The following CNTN5 variants were observed in gnomAD, a reference collection of about 807,000 sequenced individuals.
CNTN5 encodes the protein contactin-5.
Under a neutral mutation model 129.1 loss-of-function variants are expected in CNTN5, and 77 were observed. The ratio of observed to expected loss-of-function variants is 0.60; its 90% confidence interval spans 0.50 to 0.72. The LOEUF is 0.72. Among genes scored for constraint, CNTN5 ranks in the 30% least tolerant of loss-of-function variants. The pLI is 0.00. For synonymous variants in CNTN5, 509 were observed against 465.6 expected, an observed-to-expected ratio of 1.09 and a Z score of -1.20; for missense variants, 1,478 against 1,328.8, an observed-to-expected ratio of 1.11 and a Z score of -1.75.
chr11:99,704,650 C>A (rs1200820907), intron 3 of CNTN5, among the ~76,000 whole-genome samples: 2 of 151,166 alleles, frequency 1.3e-5, no homozygotes, highest in Non-Finnish European at 3.0e-5. Context: ...TACGTACCTA[C>A]TACATTTAAA....
intron 2 of CNTN5, among the ~76,000 whole-genome samples, chr11:99,514,211 A>G (rs116807635): frequency 5.9e-5 from 9 of 152,238 alleles, no homozygotes; most frequent in African/African-American, 2.2e-4. Flanking sequence ...AATTACTGCA[A>G]TCTCATGATC....
intron 9 of CNTN5, among the ~76,000 whole-genome samples, chr11:100,016,870 T>C (rs1019531178): frequency 6.6e-6 from 1 of 151,518 alleles, no homozygotes; most frequent in Non-Finnish European, 1.5e-5. Context: ...GTGTGACCGG[T>C]CACTGGTTTT....
chr11:99,307,640 TA>T (rs1211727973), intron 1 of CNTN5, among the ~76,000 whole-genome samples: 1 of 152,154 alleles, frequency 6.6e-6, no homozygotes, highest in East Asian at 1.9e-4. Context: ...TTTGAATCAA[TA>T]AAAGGCTGAG....
chr11:99,289,948 C>G (rs1190741672), intron 1 of CNTN5, among the ~76,000 whole-genome samples: 1 of 151,728 alleles, frequency 6.6e-6, no homozygotes, highest in Non-Finnish European at 1.5e-5. Context: ...ACTTACATTA[C>G]TAAGTACTTT....
At chr11:100,336,973 G>A in intron 21 of CNTN5, 1 of 735,846 alleles carries the variant, frequency 1.4e-6, no homozygotes. Flanking sequence ...AAGAAATCAA[G>A]AGCCAGAGCA....
At chr11:99,488,124 G>A (rs1945887680) in intron 2 of CNTN5, among the ~76,000 whole-genome samples, 1 of 148,046 alleles carries the variant, frequency 6.8e-6, no homozygotes, top group African/African-American at 2.5e-5. Context: ...CCCATCTGAT[G>A]CTAGTGAAGA....
chr11:99,701,539 TG>T (rs1222791379), intron 3 of CNTN5, among the ~76,000 whole-genome samples: 1 of 151,128 alleles, frequency 6.6e-6, no homozygotes, highest in Non-Finnish European at 1.5e-5. Context: ...AATAATTTTA[TG>T]TATGAAAGTG....
chr11:99,908,284 G>A (rs980266809), intron 6 of CNTN5, among the ~76,000 whole-genome samples: 3 of 151,962 alleles, frequency 2.0e-5, no homozygotes. Flanking sequence ...TAACTGAAGA[G>A]GGTAGTTAAG....
intron 3 of CNTN5, among the ~76,000 whole-genome samples, chr11:99,638,413 C>T (rs533322908): frequency 5.9e-5 from 9 of 152,254 alleles, no homozygotes; most frequent in African/African-American, 9.6e-5. Context: ...CATGTCCTTG[C>T]GTTTCAAAAC....
chr11:99,044,054 C>T (rs1035035518), intron 1 of CNTN5, among the ~76,000 whole-genome samples: 3 of 152,008 alleles, frequency 2.0e-5, no homozygotes, highest in Non-Finnish European at 4.4e-5. Flanking sequence ...ATATGCACTG[C>T]AGAGGGGAAA....
chr11:99,115,653 G>A (rs1229247890), intron 1 of CNTN5, among the ~76,000 whole-genome samples: 1 of 152,004 alleles, frequency 6.6e-6, no homozygotes, highest in Non-Finnish European at 1.5e-5. Flanking sequence ...CCAGCTACTC[G>A]GGAGGCTGAG....
At chr11:99,282,656 G>A (rs1169586889) in intron 1 of CNTN5, among the ~76,000 whole-genome samples, 2 of 152,006 alleles carry the variant, frequency 1.3e-5, no homozygotes, top group South Asian at 2.1e-4. Context: ...AATCTGGGGC[G>A]GTCTTTTGGA....
rs765731039 is a variant in CNTN5 at position 99,408,367 on chromosome 11, CA to C, written c.-71+82899del. Among the ~76,000 whole-genome samples the C allele has an allele frequency of 2.2e-3, 147 of 67,234 alleles. 2 individuals are homozygous for C. The highest frequency in any genetic ancestry group is 9.1e-3 in the Middle Eastern group (1 of 110). The allele number at this position is 67,234 out of a possible 152,430, so 44.1% of individuals were successfully genotyped here. On this transcript the variant is annotated intron_variant, in intron 2 of 24. Coordinates refer to ENST00000524871, the MANE Select transcript of CNTN5 (RefSeq NM_014361.4). ...AGCACATGCCACTACACCAGGCTACCAAAAAAAAAAAAAAAAGAAAGAAAGA... is the reference window on the plus strand; with the variant it reads ...AGCACATGCCACTACACCAGGCTACCAAAAAAAAAAAAAAAGAAAGAAAGA...
At chr11:99,435,363 G>T (rs1943558469) in intron 2 of CNTN5, among the ~76,000 whole-genome samples, 1 of 152,134 alleles carries the variant, frequency 6.6e-6, no homozygotes. Flanking sequence ...TGACATATCA[G>T]CTGTTGCCCA....
chr11:99,928,632 C>A (rs1458758044), intron 7 of CNTN5, among the ~76,000 whole-genome samples: 1 of 152,188 alleles, frequency 6.6e-6, no homozygotes, highest in Non-Finnish European at 1.5e-5. Context: ...GGCACCAAGT[C>A]TTGAGTCTGC....
chr11:99,380,787 GAAAAGAA>G (rs1167619815), intron 2 of CNTN5, among the ~76,000 whole-genome samples: 5 of 95,428 alleles, frequency 5.2e-5, no homozygotes, highest in Non-Finnish European at 8.8e-5. Context: ...AAAAAAAAAA[GAAAAGAA>G]AAAAGAAAAG....
chr11:99,732,004 A>T (rs539022956), intron 3 of CNTN5, among the ~76,000 whole-genome samples: 74 of 152,368 alleles, frequency 4.9e-4, no homozygotes, highest in African/African-American at 1.7e-3. Flanking sequence ...GATTAGAATC[A>T]TAATTTTAAT....
intron 2 of CNTN5, among the ~76,000 whole-genome samples, chr11:99,425,685 C>G (rs1299252223): frequency 6.6e-6 from 1 of 152,262 alleles, no homozygotes; most frequent in South Asian, 2.1e-4. Context: ...CTTTCAAGGG[C>G]AGGGGTTGCT....
At chr11:99,991,446 A>G (rs7128210) in intron 8 of CNTN5, among the ~76,000 whole-genome samples, 57,576 of 151,664 alleles carry the variant, frequency 0.38, 12,383 homozygotes, top group African/African-American at 0.59. Flanking sequence ...CAGCCTGGGC[A>G]ACAGAGTGAG....
Sources: allele counts gnomAD v4.1 joint callset (sites outside exome capture counted in the v4.1 genomes callset), GRCh38; gene constraint gnomAD v4.1.1; transcripts MANE v1.5; gene names NCBI Gene and HGNC (gene_info 2026-07-23, HGNC 2026-07-21).